Variants in SNAP91 observed in about 807,000 individuals in gnomAD.
The protein encoded by SNAP91 is synaptosome associated protein 91.
In SNAP91, 27 loss-of-function variants were observed where a neutral mutation model predicts 100.3. That is an observed-to-expected ratio of 0.27 (90% CI 0.20 to 0.37). SNAP91 has a LOEUF of 0.37. SNAP91 is among the 10% of genes least tolerant of loss of function. The pLI is 1.00. For synonymous variants in SNAP91, 404 were observed against 398.6 expected, an observed-to-expected ratio of 1.01 and a Z score of -0.16; for missense variants, 986 against 1,123.7, an observed-to-expected ratio of 0.88 and a Z score of 1.75.
intron 25 of SNAP91, chr6:83,575,685 G>C (rs1162291373): frequency 2.4e-5 from 6 of 248,102 alleles, no homozygotes; most frequent in Non-Finnish European, 3.8e-5. Flanking sequence ...CTCCATGAAA[G>C]ACTTTTTAAA....
intron 12 of SNAP91, among the ~76,000 whole-genome samples, chr6:83,608,231 C>T (rs1368102094): frequency 1.3e-5 from 2 of 152,170 alleles, no homozygotes; most frequent in South Asian, 4.1e-4. Context: ...ATGTGAGGTC[C>T]TCTCAGATGA....
chr6:83,704,086 T>C (rs1256631068), intron 2 of SNAP91, among the ~76,000 whole-genome samples: 2 of 151,968 alleles, frequency 1.3e-5, no homozygotes, highest in Non-Finnish European at 2.9e-5. Context: ...TACTTTATTA[T>C]TTGACTTGGG....
chr6:83,626,579 T>C (rs1416575684), intron 8 of SNAP91, among the ~76,000 whole-genome samples: 1 of 152,112 alleles, frequency 6.6e-6, no homozygotes, highest in Non-Finnish European at 1.5e-5. Context: ...TTTATCTCCT[T>C]GGTTAGAGGT....
intron 11 of SNAP91, among the ~76,000 whole-genome samples, chr6:83,611,863 A>ATTTTTTTTTTTTT (rs750966269): frequency 2.3e-4 from 21 of 91,260 alleles, no homozygotes; most frequent in East Asian, 3.2e-4. Flanking sequence ...CGCCCGGCTA[A>ATTTTTTTTTTTTT]TTTTTTTTTT....
chr6:83,596,835 C>A (rs1181937637), intron 16 of SNAP91, among the ~76,000 whole-genome samples: 6 of 152,136 alleles, frequency 3.9e-5, no homozygotes, highest in Non-Finnish European at 7.4e-5. Context: ...TGGCTCAGAG[C>A]TGTCTGAGCT....
chr6:83,556,825 T>A (rs1256691512), intron 28 of SNAP91, among the ~76,000 whole-genome samples: 1 of 152,196 alleles, frequency 6.6e-6, no homozygotes, highest in African/African-American at 2.4e-5. Context: ...TTTAAGAAAT[T>A]ACTTACACTT....
At chr6:83,647,310 A>G (rs371877643) in intron 7 of SNAP91, among the ~76,000 whole-genome samples, 3 of 152,136 alleles carry the variant, frequency 2.0e-5, no homozygotes, top group African/African-American at 7.2e-5. Context: ...ACCATTAAAT[A>G]TGATGTTAGC....
chr6:83,694,276 C>G (rs549966916), intron 2 of SNAP91, among the ~76,000 whole-genome samples: 1 of 152,134 alleles, frequency 6.6e-6, no homozygotes, highest in Admixed American at 6.6e-5. Flanking sequence ...GATATTTAGG[C>G]CTGGACCTAC....
At chr6:83,582,726 G>A (rs896263042) in intron 22 of SNAP91, among the ~76,000 whole-genome samples, 3 of 151,974 alleles carry the variant, frequency 2.0e-5, no homozygotes, top group Non-Finnish European at 2.9e-5. Context: ...CATAATATCC[G>A]GTTTCTAGAA....
In SNAP91 at chr6:83,574,917, C is replaced by T. The variant is rs558365290; in HGVS notation, c.2442+93G>A. On this transcript the variant is annotated intron_variant, in intron 26 of 29. Coordinates refer to ENST00000369694, the MANE Select transcript of SNAP91 (RefSeq NM_001242792.2). ...CTTCAATGCAGAGGAATAAGTACAC[C>T]GTCGGCAGCAAAGTTAGCAAAATGC... 48 of 747,074 alleles carry T rather than the reference C, an allele frequency of 6.4e-5. 1 individual carries two copies. Among genetic ancestry groups the T allele is most frequent in the South Asian group, 5.9e-4 (35 of 59,076 alleles). The allele number at this position is 747,074 out of a possible 1,614,324, so 46.3% of individuals were successfully genotyped here.
intron 7 of SNAP91, among the ~76,000 whole-genome samples, chr6:83,650,005 T>A (rs1365294074): frequency 1.3e-5 from 2 of 152,152 alleles, no homozygotes; most frequent in African/African-American, 2.4e-5. Flanking sequence ...GTTGTTCTAC[T>A]ATAATTTGTT....
At chr6:83,576,313 T>A (rs1443938774) in intron 24 of SNAP91, among the ~76,000 whole-genome samples, 1 of 152,234 alleles carries the variant, frequency 6.6e-6, no homozygotes, top group Non-Finnish European at 1.5e-5. Flanking sequence ...GCAGGTTTGA[T>A]GCTGCTATTT....
At chr6:83,601,480 A>G (rs374939276) in intron 15 of SNAP91, 42 bp from the exon 16 acceptor site, 51 of 1,612,942 alleles carry the variant, frequency 3.2e-5, no homozygotes, top group Non-Finnish European at 4.3e-5. Context: ...AGAGAAGAAA[A>G]GCAAAGGACA....
chr6:83,641,402 A>G (rs949449741), intron 7 of SNAP91, among the ~76,000 whole-genome samples, 200 bp from the exon 8 acceptor site: 1 of 152,212 alleles, frequency 6.6e-6, no homozygotes, highest in Non-Finnish European at 1.5e-5. Flanking sequence ...CAAGATAATC[A>G]TCTGTCTCAA....
rs766296350 is a variant in SNAP91, at chr6:83,601,647, G to A, written c.1142-48C>T. Reference sequence around the variant, plus strand: ...AGCATAAGAATAAATAAGAGCTAAAGTTGAAACATGCAACCATACCAATGT... The same window carrying A: ...AGCATAAGAATAAATAAGAGCTAAAATTGAAACATGCAACCATACCAATGT... On this transcript the variant is annotated intron_variant, in intron 14 of 29. Transcript: ENST00000369694. 6 of 1,584,118 alleles carry A rather than the reference G, an allele frequency of 3.8e-6. No individual in the cohort carries two copies. In the Admixed American group the frequency reaches 8.4e-5, roughly 22 times the overall value.
At chr6:83,689,155 G>A (rs1275036572) in intron 2 of SNAP91, among the ~76,000 whole-genome samples, 1 of 152,094 alleles carries the variant, frequency 6.6e-6, no homozygotes, top group Non-Finnish European at 1.5e-5. Flanking sequence ...CAACATTAGG[G>A]ACAAAGACAT....
At chr6:83,691,350 C>T (rs1257195407) in intron 2 of SNAP91, among the ~76,000 whole-genome samples, 2 of 151,996 alleles carry the variant, frequency 1.3e-5, no homozygotes, top group African/African-American at 4.8e-5. Flanking sequence ...TATCAGTAAC[C>T]TTATTTACTA....
chr6:83,653,517 C>G (rs573257023), intron 7 of SNAP91, among the ~76,000 whole-genome samples: 4 of 152,252 alleles, frequency 2.6e-5, no homozygotes, highest in African/African-American at 9.6e-5. Flanking sequence ...TCTGTTCTTG[C>G]ATGCTGCCTA....
chr6:83,644,552 T>C (rs1238031727), intron 7 of SNAP91, among the ~76,000 whole-genome samples: 1 of 152,216 alleles, frequency 6.6e-6, no homozygotes, highest in Non-Finnish European at 1.5e-5. Flanking sequence ...GTTTGTGACA[T>C]GAACCTTTGT....
Sources: gnomAD v4.1 joint callset for allele counts (sites outside exome capture counted in the v4.1 genomes callset) on GRCh38, gnomAD v4.1.1 for gene constraint, MANE v1.5 for transcripts, NCBI Gene and HGNC (gene_info 2026-07-23, HGNC 2026-07-21) for gene names.